The following PRX variants were observed in gnomAD, a reference collection of about 807,000 sequenced individuals.
The protein encoded by PRX is periaxin.
Under a neutral mutation model 29.6 loss-of-function variants are expected in PRX, and 24 were observed. The ratio of observed to expected loss-of-function variants is 0.81; its 90% CI spans 0.59 to 1.14. PRX has a LOEUF of 1.14. Ranked by LOEUF, PRX falls within the 50% of genes most tolerant of loss-of-function variation. The pLI is 0.00. For synonymous variants in PRX, 772 were observed against 831.7 expected (o/e 0.93, Z 1.24); for missense variants, 1,838 against 1,926.4 (o/e 0.95, Z 0.86).
chr19:40,404,377 G>A (rs1480184383), intron 4 of PRX, among the ~76,000 whole-genome samples: 1 of 150,916 alleles, frequency 6.6e-6, no homozygotes. Flanking sequence ...GTGATTGAGA[G>A]GCGGGACCAG....
Position 40,398,198 on chromosome 19 carries a change from C to T in PRX, c.382-228G>A. ...TCAACAGGAGTGTAGGGACGGGGAC[C>T]CAAGACTTCTAGATCCTGATCCGGG... On this transcript the variant is annotated intron_variant, in intron 6 of 6. Coordinates refer to ENST00000324001, the MANE Select transcript of PRX (RefSeq NM_181882.3). This position sits in a 1 kb window ranked among gnomAD's most constrained non-coding sequence, Gnocchi z 6.3. 1 of 1,418,824 alleles carries T rather than the reference C, an allele frequency of 7.0e-7. No homozygotes were observed. The highest frequency in any genetic ancestry group is 9.2e-7 in the Non-Finnish European group (1 of 1,092,236). The allele number at this position is 1,418,824 out of a possible 1,614,324, so 87.9% of individuals were successfully genotyped here.
rs1483927279 is a variant in PRX, at chr19:40,398,210, G to C, written c.382-240C>G. The stretch of plus-strand genomic sequence containing the variant: ...TAGGGACGGGGACCCAAGACTTCTA[G>C]ATCCTGATCCGGGATTTTCCCCAAC... On this transcript the variant is annotated intron_variant, in intron 6 of 6. Coordinates refer to ENST00000324001, the MANE Select transcript of PRX (RefSeq NM_181882.3). The surrounding 1 kb of genome is among the most constrained non-coding windows in gnomAD (Gnocchi z 6.3). 7.1e-7 allele frequency: 1 copy of C among 1,417,612 alleles called. No homozygotes were observed. Among genetic ancestry groups the C allele is most frequent in the Non-Finnish European group, 9.2e-7 (1 of 1,091,768 alleles). 87.8% of individuals were successfully genotyped at this position (1,417,612 alleles called of 1,614,324 possible).
At chr19:40,410,737 A>AGC (rs1312050981) in intron 1 of PRX, among the ~76,000 whole-genome samples, 1 of 152,098 alleles carries the variant, frequency 6.6e-6, no homozygotes. Context: ...CAGGCGTGGC[A>AGC]GCGCGCGCCT....
At chr19:40,412,474 T>TA (rs1482681658) in intron 1 of PRX, among the ~76,000 whole-genome samples, 2 of 152,062 alleles carry the variant, frequency 1.3e-5, no homozygotes, top group African/African-American at 2.4e-5. Context: ...AAATGCTTGA[T>TA]TAATATAAAC....
chr19:40,410,442 C>G (rs1369982763), intron 1 of PRX, among the ~76,000 whole-genome samples: 1 of 152,188 alleles, frequency 6.6e-6, no homozygotes, highest in African/African-American at 2.4e-5. Flanking sequence ...AACACTCCCA[C>G]AGCACCCACG....
chr19:40,397,367 C>T lies in PRX; in HGVS notation c.985G>A (p.Ala329Thr), dbSNP rs745593860. 3 of 1,612,932 alleles carry T rather than the reference C, an allele frequency of 1.9e-6. No homozygotes were observed. In the South Asian group the frequency reaches 3.3e-5, roughly 18 times the overall value. The change falls in exon 7 of 7, where the codon GCA (alanine) becomes ACA (threonine). Residue 329 changes from alanine (A) to threonine (T), a missense_variant. Transcript: ENST00000324001. ...VSVVVPTLDVAAPTVGVDLAL... is the reference protein window; with the variant it reads ...VSVVVPTLDVTAPTVGVDLAL... ...AGGTCCACCCCCACAGTCGGTGCTG[C>T]CACATCCAGGGTGGGCACCACTACC...
chr19:40,408,067 A>C, intron 3 of PRX, 36 bp from the exon 4 acceptor site: 1 of 1,150,534 alleles, frequency 8.7e-7, no homozygotes, highest in South Asian at 1.3e-5. Context: ...TGAGGCCAGT[A>C]GGGGACGAGA....
At chr19:40,401,404 C>G (rs1370756169) in intron 5 of PRX, among the ~76,000 whole-genome samples, 1 of 152,140 alleles carries the variant, frequency 6.6e-6, no homozygotes, top group Admixed American at 6.6e-5. Flanking sequence ...GCGATCCTCC[C>G]GCCTTGGCTT....
At position 40,398,963 on chromosome 19, in the gene PRX, T is replaced by C; in HGVS notation, c.185-147A>G. On this transcript the variant is annotated intron_variant, in intron 5 of 6. Coordinates refer to ENST00000324001, the MANE Select transcript of PRX (RefSeq NM_181882.3). This position sits in a 1 kb window ranked among gnomAD's most constrained non-coding sequence, Gnocchi z 6.3. ...CCCCAGCGCAGGATTAAGTCGCAGT[T>C]ACGCTAGTCCCCGCCCCATGACCTT... The C allele has an allele frequency of 6.7e-7, 1 of 1,489,772 alleles. No homozygotes were observed. The highest frequency in any genetic ancestry group is 9.0e-7 in the Non-Finnish European group (1 of 1,116,338). 92.3% of individuals were successfully genotyped at this position (1,489,772 alleles called of 1,614,324 possible). A position where few individuals can be genotyped will look rare whatever the true frequency, so the allele number is the denominator to read the frequency against.
intron 1 of PRX, among the ~76,000 whole-genome samples, chr19:40,410,927 T>C (rs2079555734): frequency 6.6e-6 from 1 of 152,164 alleles, no homozygotes; most frequent in Non-Finnish European, 1.5e-5. Context: ...ACAATCATAA[T>C]AACAACTGAT....
In PRX at chr19:40,394,830, G is replaced by A. The variant is rs1488924392; in HGVS notation, c.3522C>T (p.Val1174=). The A allele has an allele frequency of 6.2e-7, 1 of 1,613,220 alleles. No individual in the cohort carries two copies. Among genetic ancestry groups the A allele is most frequent in the Admixed American group, 1.7e-5 (1 of 60,020 alleles). Residue 1174 remains valine (V), a synonymous_variant, in exon 7 of 7, where the codon GTC becomes GTT. Transcript: ENST00000324001. The surrounding 1 kb of genome is among the most constrained non-coding windows in gnomAD (Gnocchi z 5.8). ...AGCCTGCTGTGCCCTCTGCTGAAGG[G>A]ACTGTACTCTGAGCCTGCTGCCCTG... is the stretch of plus-strand genomic sequence containing the variant. ...GTPGQQAQST[V]PSAEGTAGYR...
intron 1 of PRX, among the ~76,000 whole-genome samples, chr19:40,412,180 C>T (rs2079561524): frequency 6.6e-6 from 1 of 152,196 alleles, no homozygotes; most frequent in Non-Finnish European, 1.5e-5. Flanking sequence ...CTTTCCCCCG[C>T]CACCAGCGTG....
chr19:40,396,378 C>G lies in PRX; in HGVS notation c.1974G>C (p.Gln658His). The G allele has an allele frequency of 6.2e-7, 1 of 1,613,680 alleles. No homozygotes were observed. The highest frequency in any genetic ancestry group is 8.5e-7 in the Non-Finnish European group (1 of 1,179,928). Reference protein sequence around the residue: ...AVPDVHLPEVQLPKVPEMKLP... With the variant: ...AVPDVHLPEVHLPKVPEMKLP... ...GTTTCATCTCTGGGACTTTCGGGAG[C>G]TGCACTTCCGGGAGGTGCACATCGG... is the stretch of plus-strand genomic sequence containing the variant. Residue 658 changes from glutamine to histidine, a missense_variant, in exon 7 of 7, where the codon CAG becomes CAC. Around this residue, in one of 3 missense-constraint regions of PRX, gnomAD observed 1,143 missense variants for 1,193.0 expected, o/e 0.96. Transcript: ENST00000324001.
chr19:40,402,932 G>C (rs2079506491), intron 5 of PRX, among the ~76,000 whole-genome samples: 2 of 152,190 alleles, frequency 1.3e-5, no homozygotes, highest in South Asian at 4.1e-4. Context: ...CACTTTGGGA[G>C]ACTGAGGCGG....
chr19:40,405,778 A>G (rs1352457971), intron 4 of PRX, among the ~76,000 whole-genome samples: 1 of 150,970 alleles, frequency 6.6e-6, no homozygotes, highest in Non-Finnish European at 1.5e-5. Context: ...AGCTGGGATT[A>G]CAGGTGCACG....
At chr19:40,410,101 A>G (rs1335581451) in intron 1 of PRX, among the ~76,000 whole-genome samples, 1 of 152,164 alleles carries the variant, frequency 6.6e-6, no homozygotes, top group Admixed American at 6.5e-5. Context: ...TGAGAGGCCA[A>G]AAGAACTTGC....
chr19:40,399,979 CTT>C (rs112236624), intron 5 of PRX, among the ~76,000 whole-genome samples: 1 of 133,550 alleles, frequency 7.5e-6, no homozygotes, highest in Non-Finnish European at 1.6e-5. Flanking sequence ...GTCTGTCTTT[CTT>C]TTCTTTTCTT....
At position 40,397,989 on chromosome 19, in the gene PRX, G is replaced by A. The variant is rs756491246; in HGVS notation, c.382-19C>T. The stretch of plus-strand genomic sequence containing the variant: ...GGATGTTCTGGGGAGAGAGGAGAGA[G>A]GCAGGAGGCGGTGGGACAGTGGGAG... On this transcript the variant is annotated intron_variant, in intron 6 of 6. Transcript: ENST00000324001. 1.1e-5 allele frequency: 17 copies of A among 1,598,386 alleles called. No individual in the cohort carries two copies. The Admixed American group carries it at 2.8e-4, about 26-fold the overall frequency.
rs769383292 is a variant in PRX, at chr19:40,394,820, C to T, written c.3532G>A (p.Glu1178Lys). 4 of 1,613,402 alleles carry T rather than the reference C, an allele frequency of 2.5e-6. No individual in the cohort carries two copies. The highest frequency in any genetic ancestry group is 3.4e-6 in the Non-Finnish European group (4 of 1,180,018). Reference protein sequence around the residue: ...QQAQSTVPSAEGTAGYRVQVP... With the variant: ...QQAQSTVPSAKGTAGYRVQVP... ...TGAACCCTGTAGCCTGCTGTGCCCT[C>T]TGCTGAAGGGACTGTACTCTGAGCC... The change falls in exon 7 of 7, where the codon GAG becomes AAG. Residue 1178 changes from glutamate to lysine, a missense_variant. By Grantham distance (56) the Glu-to-Lys change is moderately conservative (BLOSUM62 1). Around this residue, in one of 3 missense-constraint regions of PRX, gnomAD observed 1,143 missense variants for 1,193.0 expected, o/e 0.96. Coordinates refer to ENST00000324001, the MANE Select transcript of PRX (RefSeq NM_181882.3). This position sits in a 1 kb window ranked among gnomAD's most constrained non-coding sequence, Gnocchi z 5.8.
Sources: allele counts gnomAD v4.1 joint callset (sites outside exome capture counted in the v4.1 genomes callset), GRCh38; gene constraint gnomAD v4.1.1; regional missense constraint gnomAD v4.1.1; non-coding constraint Gnocchi (gnomAD v3.1); transcripts MANE v1.5; gene names NCBI Gene and HGNC (gene_info 2026-07-23, HGNC 2026-07-21).